Variants in PTPDC1 observed in about 807,000 individuals in gnomAD.
PTPDC1 encodes the protein protein tyrosine phosphatase domain-containing protein 1.
Under a neutral mutation model 75.3 loss-of-function variants are expected in PTPDC1, and 53 were observed. That is an observed-to-expected ratio of 0.70 (90% CI 0.56 to 0.88). PTPDC1 has a LOEUF of 0.88. Ranked by LOEUF, PTPDC1 falls within the 40% of genes least tolerant of loss-of-function variation. The pLI is 0.00. For missense variants in PTPDC1, 925 were observed against 998.6 expected (o/e 0.93, Z 0.99); for synonymous variants, 349 against 366.2 (o/e 0.95, Z 0.54).
At chr9:94,097,141 G>C (rs541056356) in intron 5 of PTPDC1, among the ~76,000 whole-genome samples, 180 bp from the exon 6 acceptor site, 1 of 152,222 alleles carries the variant, frequency 6.6e-6, no homozygotes, top group East Asian at 1.9e-4. Flanking sequence ...AGTAAGGAAC[G>C]TGCAAAATAA....
Position 94,064,788 on chromosome 9 carries a change from G to A in PTPDC1, c.49G>A (p.Val17Met), listed in dbSNP as rs757270581. Residue 17 changes from valine to methionine, a missense_variant, in exon 2 of 10, where the codon GTG (valine) becomes ATG (methionine). By Grantham distance (21) the Val-to-Met change is conservative (BLOSUM62 1). Transcript: ENST00000375360. ...GAATGAACAACCATATTCTACCTTG[G>A]TGAATAACAGCGAGTGTGTTGCAAA... 4.3e-6 allele frequency: 7 copies of A among 1,613,474 alleles called. No individual in the cohort carries two copies. In the Admixed American group the frequency reaches 6.7e-5, roughly 15 times the overall value.
intron 2 of PTPDC1, among the ~76,000 whole-genome samples, chr9:94,074,645 G>T (rs1183805668): frequency 6.6e-6 from 1 of 152,062 alleles, no homozygotes; most frequent in African/African-American, 2.4e-5. Flanking sequence ...CCAGGGGATT[G>T]GGAAATGGGA....
At chr9:94,057,440 T>G in intron 1 of PTPDC1, among the ~76,000 whole-genome samples, 1 of 136,674 alleles carries the variant, frequency 7.3e-6, no homozygotes, top group South Asian at 2.3e-4. Context: ...CTTTACAAAT[T>G]CTTATAAAGA....
chr9:94,105,726 T>C (rs564985409), intron 8 of PTPDC1, among the ~76,000 whole-genome samples: 1 of 148,752 alleles, frequency 6.7e-6, no homozygotes, highest in Non-Finnish European at 1.5e-5. Flanking sequence ...CCAAGCACTT[T>C]GGGAGGCCAA....
Position 94,104,391 on chromosome 9 carries a change from TC to T in PTPDC1, c.2310+7del. 1 of 1,579,116 alleles carries T rather than the reference TC, an allele frequency of 6.3e-7. No homozygotes were observed. Among genetic ancestry groups the T allele is most frequent in the Non-Finnish European group, 8.7e-7 (1 of 1,148,966 alleles). On this transcript the variant is annotated splice_region_variant and intron_variant, in intron 8 of 8. Coordinates refer to ENST00000620992, the MANE Select transcript of PTPDC1 (RefSeq NM_001253829.2). ...CCATTAAGGCATTCACTAAGGTGGG[TC>T]ATACTCTTCCTTTCCCCTCTCTGAA...
At position 94,097,413 on chromosome 9, in the gene PTPDC1, CA is replaced by C; in HGVS notation, c.850del (p.Thr284ProfsTer8). 8.7e-6 allele frequency: 14 copies of C among 1,614,014 alleles called. No individual in the cohort carries two copies. Among genetic ancestry groups the C allele is most frequent in the Non-Finnish European group, 1.2e-5 (14 of 1,179,854 alleles). On this transcript the variant is annotated frameshift_variant, in exon 6 of 9. Transcript: ENST00000620992. LOFTEE classifies it high-confidence loss of function. The part of the protein sequence containing the change: ...FVRAKRPNSI[Q>X]TRGQLLCVRE... The stretch of plus-strand genomic sequence containing the variant: ...GCGGGCAAAGCGACCCAATTCCATA[CA>C]AACCAGAGGACAGCTCCTCTGTGTA...
At chr9:94,079,909 C>T (rs1012884565), upstream of PTPDC1, among the ~76,000 whole-genome samples, 17 of 152,170 alleles carry the variant, frequency 1.1e-4, no homozygotes, top group African/African-American at 3.6e-4. Context: ...AGCAGGGGCA[C>T]TTGGGAGAAG....
chr9:94,063,640 C>T (rs1301100662), intron 1 of PTPDC1, among the ~76,000 whole-genome samples: 5 of 151,940 alleles, frequency 3.3e-5, no homozygotes, highest in Admixed American at 6.5e-5. Context: ...CTTTTTTGAG[C>T]GTATAAAGAT....
chr9:94,052,305 T>C (rs1342770673), intron 1 of PTPDC1, among the ~76,000 whole-genome samples: 1 of 152,204 alleles, frequency 6.6e-6, no homozygotes, highest in Non-Finnish European at 1.5e-5. Context: ...TGATTCAGTT[T>C]AATTCTGGTG....
intron 4 of PTPDC1, among the ~76,000 whole-genome samples, chr9:94,094,519 GCTGT>G (rs1479935301): frequency 2.6e-5 from 4 of 152,160 alleles, no homozygotes; most frequent in African/African-American, 9.7e-5. Flanking sequence ...AAAAGTTACT[GCTGT>G]CTTTTTGTTT....
At chr9:94,095,953 G>A (rs1564032250) in intron 5 of PTPDC1, among the ~76,000 whole-genome samples, 4 of 152,128 alleles carry the variant, frequency 2.6e-5, no homozygotes, top group Admixed American at 2.0e-4. Flanking sequence ...TTTAGTAAGT[G>A]CCAGGGCCAC....
intron 2 of PTPDC1, among the ~76,000 whole-genome samples, chr9:94,071,638 C>T (rs1826514859): frequency 6.6e-6 from 1 of 152,150 alleles, no homozygotes; most frequent in Non-Finnish European, 1.5e-5. Context: ...TCTGTCCATC[C>T]ACCAATACCA....
intron 1 of PTPDC1, among the ~76,000 whole-genome samples, chr9:94,058,659 T>C (rs181650039): frequency 6.1e-4 from 92 of 151,906 alleles, no homozygotes; most frequent in African/African-American, 1.9e-3. Flanking sequence ...TGAGCCGAGA[T>C]TGTGCCACTG....
At chr9:94,032,740 C>T (rs764836890) in intron 1 of PTPDC1, among the ~76,000 whole-genome samples, 15 of 152,096 alleles carry the variant, frequency 9.9e-5, no homozygotes, top group Admixed American at 1.3e-4. Flanking sequence ...AGTCTGGTCT[C>T]ATACTCCTGG....
rs1828080102 is a variant in PTPDC1 at position 94,107,951 on chromosome 9, C to T, written c.*7C>T. The T allele has an allele frequency of 3.9e-6, 6 of 1,523,962 alleles. No individual in the cohort carries two copies. Among genetic ancestry groups the T allele is most frequent in the Non-Finnish European group, 4.5e-6 (5 of 1,120,120 alleles). 94.4% of individuals were successfully genotyped at this position (1,523,962 alleles called of 1,614,324 possible). A position where few individuals can be genotyped will look rare whatever the true frequency, so the allele number is the denominator to read the frequency against. On this transcript the variant is annotated 3_prime_UTR_variant, in exon 9 of 9. Coordinates refer to ENST00000620992, the MANE Select transcript of PTPDC1 (RefSeq NM_001253829.2). ...CCCTAAGCCTGGCCTCTAGCTTTCA[C>T]TCGTGGTGAATATTTCAGACCTAAA...
intron 1 of PTPDC1, among the ~76,000 whole-genome samples, chr9:94,046,411 A>G (rs1217613818): frequency 6.6e-6 from 1 of 152,290 alleles, no homozygotes; most frequent in East Asian, 1.9e-4. Flanking sequence ...TGGGGATGGC[A>G]TTGAATCTAT....
At position 94,097,318 on chromosome 9, in the gene PTPDC1, T is replaced by G. The variant is rs764240370; in HGVS notation, c.755-3T>G. On this transcript the variant is annotated splice_polypyrimidine_tract_variant and splice_region_variant and intron_variant, in intron 5 of 8. Transcript: ENST00000620992. ...TACCAGTCTTCTCTTCTTCACTGTT[T>G]AGGTGTTTTAATAGCCTGTTACTTA... is the stretch of plus-strand genomic sequence containing the variant. 3 of 1,581,304 alleles carry G rather than the reference T, an allele frequency of 1.9e-6. No homozygotes were observed.
intron 1 of PTPDC1, chr9:94,038,461 T>C (rs574749980): frequency 1.6e-5 from 5 of 313,878 alleles, no homozygotes; most frequent in East Asian, 1.4e-4. Flanking sequence ...GAATATTTTA[T>C]TGGGCCGTCC....
intron 2 of PTPDC1, among the ~76,000 whole-genome samples, chr9:94,074,192 A>C (rs1587872491): frequency 1.3e-5 from 2 of 152,258 alleles, no homozygotes; most frequent in East Asian, 3.9e-4. Context: ...AGCATTAGCC[A>C]GGAGCCAGGT....
Sources: gnomAD v4.1 joint callset for allele counts (sites outside exome capture counted in the v4.1 genomes callset) on GRCh38, gnomAD v4.1.1 for gene constraint, MANE v1.5 for transcripts, NCBI Gene and HGNC (gene_info 2026-07-23, HGNC 2026-07-21) for gene names.